The following NKAIN3 variants were observed in gnomAD, a reference collection of about 807,000 sequenced individuals.
The protein encoded by NKAIN3 is sodium/potassium-transporting ATPase subunit beta-1-interacting protein 3.
In NKAIN3, 25 loss-of-function variants were observed where a neutral mutation model predicts 30.2. The observed-to-expected ratio is 0.83, with a 90% CI of 0.60 to 1.16. The LOEUF (loss-of-function observed/expected upper bound fraction) is 1.16, where lower values mean the gene tolerates loss of function less well. NKAIN3 is among the 50% of genes most tolerant of loss of function. The pLI, the probability that NKAIN3 is intolerant of heterozygous loss-of-function variation, is 0.00. For missense variants in NKAIN3, 225 were observed against 254.1 expected (o/e 0.89, Z 0.78); for synonymous variants, 91 against 89.6 (o/e 1.02, Z -0.09).
intron 5 of NKAIN3, among the ~76,000 whole-genome samples, chr8:62,937,628 G>C (rs1343006462): frequency 5.9e-5 from 9 of 152,058 alleles, no homozygotes; most frequent in Non-Finnish European, 1.3e-4. Context: ...CGAGGAGAAA[G>C]AAACTCCCTA....
At chr8:62,871,712 G>T (rs1238982695) in intron 4 of NKAIN3, among the ~76,000 whole-genome samples, 1 of 152,228 alleles carries the variant, frequency 6.6e-6, no homozygotes, top group Non-Finnish European at 1.5e-5. Flanking sequence ...GCATGGAACA[G>T]TTGAAGGTAG....
Position 62,965,648 on chromosome 8 carries a change from A to C in NKAIN3, c.*241A>C, listed in dbSNP as rs1386636552. The C allele has an allele frequency of 2.0e-6, 2 of 976,978 alleles. No homozygotes were observed. The highest frequency in any genetic ancestry group is 1.8e-5 in the African/African-American group (1 of 57,002). 60.5% of individuals were successfully genotyped at this position (976,978 alleles called of 1,614,324 possible). On this transcript the variant is annotated 3_prime_UTR_variant, in exon 7 of 7. Transcript: ENST00000623646. Reference sequence around the variant, plus strand: ...AAAAAAAAAAAAAAGAAAAAACAGAATTTGGTTTTAAATTTTTAACAATAT... The same window carrying C: ...AAAAAAAAAAAAAAGAAAAAACAGACTTTGGTTTTAAATTTTTAACAATAT...
chr8:62,993,311 G>GTT (rs533339808), intron 5 of NKAIN3, among the ~76,000 whole-genome samples: 4 of 152,182 alleles, frequency 2.6e-5, no homozygotes, highest in African/African-American at 9.6e-5. Context: ...ATTACAAATA[G>GTT]TTTCGTTTAG....
chr8:62,361,685 T>C (rs985543114), intron 1 of NKAIN3, among the ~76,000 whole-genome samples: 4 of 152,236 alleles, frequency 2.6e-5, no homozygotes, highest in African/African-American at 9.6e-5. Flanking sequence ...CATATAAGTG[T>C]GTGGTTAATG....
At chr8:62,832,525 C>T (rs1819230214) in intron 4 of NKAIN3, among the ~76,000 whole-genome samples, 1 of 148,032 alleles carries the variant, frequency 6.8e-6, no homozygotes, top group African/African-American at 2.7e-5. Context: ...TGTAACAACA[C>T]TCATAGGCTC....
At chr8:62,375,578 A>G (rs1817051742) in intron 1 of NKAIN3, among the ~76,000 whole-genome samples, 1 of 152,144 alleles carries the variant, frequency 6.6e-6, no homozygotes, top group Non-Finnish European at 1.5e-5. Flanking sequence ...CGTAAATACT[A>G]CTATTATATT....
intron 1 of NKAIN3, among the ~76,000 whole-genome samples, chr8:62,553,026 A>G (rs1442592569): frequency 6.6e-6 from 1 of 152,166 alleles, no homozygotes; most frequent in East Asian, 1.9e-4. Context: ...TTCCAAGTAA[A>G]AGTTACATAG....
At position 62,759,768 on chromosome 8, in the gene NKAIN3, G is replaced by A. The variant is rs190859538; in HGVS notation, c.471+12639G>A. Among the ~76,000 whole-genome samples, 418 of 152,140 alleles carry A rather than the reference G, an allele frequency of 2.7e-3. 3 individuals are homozygous for A. The highest frequency in any genetic ancestry group is 9.7e-3 in the African/African-American group (402 of 41,500). ...CAACAAAAGCCAAAATTGACAAATG[G>A]GATCTAATTAAACTAAAGAGGTTCT... On this transcript the variant is annotated intron_variant, in intron 4 of 6. Transcript: ENST00000623646.
At chr8:62,428,860 G>A (rs1271886890) in intron 1 of NKAIN3, among the ~76,000 whole-genome samples, 2 of 151,630 alleles carry the variant, frequency 1.3e-5, no homozygotes, top group African/African-American at 4.8e-5. Context: ...CTTTTACTTT[G>A]GTTGCCTGTG....
At chr8:62,457,750 G>A (rs552666817) in intron 1 of NKAIN3, among the ~76,000 whole-genome samples, 1 of 152,210 alleles carries the variant, frequency 6.6e-6, no homozygotes, top group South Asian at 2.1e-4. Flanking sequence ...TATATTTTTA[G>A]TGCATTAAAT....
intron 1 of NKAIN3, among the ~76,000 whole-genome samples, chr8:62,336,488 T>C (rs1815556751): frequency 6.6e-6 from 1 of 152,048 alleles, no homozygotes; most frequent in South Asian, 2.1e-4. Context: ...TTCAAGGCCC[T>C]TGGGGCTTTT....
At chr8:62,698,367 C>G (rs889582877) in intron 3 of NKAIN3, among the ~76,000 whole-genome samples, 9 of 152,174 alleles carry the variant, frequency 5.9e-5, no homozygotes, top group Non-Finnish European at 1.2e-4. Flanking sequence ...CCACATAGAA[C>G]AGAAGTTCAA....
chr8:62,894,338 G>C (rs1821372820), intron 4 of NKAIN3, among the ~76,000 whole-genome samples: 1 of 152,072 alleles, frequency 6.6e-6, no homozygotes, highest in Admixed American at 6.6e-5. Flanking sequence ...TCACTGAAAG[G>C]ATTTGAAACT....
rs573168986 is a variant in NKAIN3, at chr8:62,400,169, T to C, written c.54+151042T>C. ...GTGGTAGATGCTATATTTTCTTTTT[T>C]TTTTTTTTTTTTTTGAGACAGAGTT... On this transcript the variant is annotated intron_variant, in intron 1 of 6. Transcript: ENST00000623646. Among the ~76,000 whole-genome samples the C allele has an allele frequency of 1.9e-3, 285 of 146,788 alleles. 1 individual carries two copies. Among genetic ancestry groups the C allele is most frequent in the Admixed American group, 0.01 (149 of 14,846 alleles).
intron 1 of NKAIN3, among the ~76,000 whole-genome samples, chr8:62,383,310 C>T (rs1173676737): frequency 1.3e-5 from 2 of 152,084 alleles, no homozygotes; most frequent in Non-Finnish European, 2.9e-5. Flanking sequence ...TATCTTTTCC[C>T]TTGAAGGCTT....
rs962905750 is a variant in NKAIN3, at chr8:62,249,060, A to C, written c.-14A>C. ...ATCTCTGGCAGTCAGCGCCGCTCGG[A>C]CGCCGCCGGCACCATGGGCTGCTGC... On this transcript the variant is annotated 5_prime_UTR_variant, in exon 1 of 7. Transcript: ENST00000623646. 6.4e-5 allele frequency: 98 copies of C among 1,533,494 alleles called. No individual in the cohort carries two copies. Among genetic ancestry groups the C allele is most frequent in the Non-Finnish European group, 8.0e-5 (91 of 1,142,580 alleles). 95.0% of individuals were successfully genotyped at this position (1,533,494 alleles called of 1,614,324 possible). A position where few individuals can be genotyped will look rare whatever the true frequency, so the allele number is the denominator to read the frequency against.
intron 4 of NKAIN3, chr8:62,855,845 G>T: frequency 1.3e-6 from 1 of 793,504 alleles, no homozygotes; most frequent in Non-Finnish European, 2.3e-6. Context: ...GAAATTTCTG[G>T]TCATCCAACT....
intron 5 of NKAIN3, among the ~76,000 whole-genome samples, chr8:62,928,015 C>T (rs535913123): frequency 1.3e-5 from 2 of 151,990 alleles, no homozygotes; most frequent in Admixed American, 6.6e-5. Flanking sequence ...CAATAAAGGG[C>T]ATATATGGAA....
At chr8:62,644,735 G>T (rs1299952939) in intron 3 of NKAIN3, among the ~76,000 whole-genome samples, 1 of 152,086 alleles carries the variant, frequency 6.6e-6, no homozygotes, top group Non-Finnish European at 1.5e-5. Context: ...ATTTTTGATG[G>T]TTCCTCAGAA....
Sources: allele counts gnomAD v4.1 joint callset (sites outside exome capture counted in the v4.1 genomes callset), GRCh38; gene constraint gnomAD v4.1.1; transcripts MANE v1.5; gene names NCBI Gene and HGNC (gene_info 2026-07-23, HGNC 2026-07-21).